Variants in SCN3B observed in about 807,000 individuals in gnomAD.
SCN3B encodes the protein sodium channel regulatory subunit beta-3.
Under a neutral mutation model 25.4 loss-of-function variants are expected in SCN3B, and 11 were observed. That is an observed-to-expected ratio of 0.43 (90% confidence interval 0.27 to 0.72). The LOEUF is 0.72. Among genes scored for constraint, SCN3B ranks in the 30% least tolerant of loss-of-function variants. The pLI, the probability that SCN3B is intolerant of heterozygous loss-of-function variation, is 0.18. For missense variants in SCN3B, 218 were observed against 278.3 expected, an observed-to-expected ratio of 0.78 and a Z score of 1.54; for synonymous variants, 109 against 110.7, an observed-to-expected ratio of 0.99 and a Z score of 0.09.
intron 3 of SCN3B, among the ~76,000 whole-genome samples, chr11:123,643,203 G>A (rs1353054229): frequency 6.6e-6 from 1 of 152,212 alleles, no homozygotes; most frequent in African/African-American, 2.4e-5. Flanking sequence ...ACTCATCAGG[G>A]GCTGTAGGAC....
At chr11:123,646,670 T>C (rs1437966526) in intron 2 of SCN3B, among the ~76,000 whole-genome samples, 1 of 152,212 alleles carries the variant, frequency 6.6e-6, no homozygotes, top group Non-Finnish European at 1.5e-5. Flanking sequence ...CTCTAGAAAC[T>C]TGAAGTCTGT....
intron 2 of SCN3B, among the ~76,000 whole-genome samples, chr11:123,652,776 C>T (rs1363355273): frequency 6.6e-6 from 1 of 152,122 alleles, no homozygotes; most frequent in African/African-American, 2.4e-5. Flanking sequence ...CCCACCCCTG[C>T]CATACACATA....
At chr11:123,650,495 GGA>G (rs1355867466) in intron 2 of SCN3B, among the ~76,000 whole-genome samples, 1 of 152,160 alleles carries the variant, frequency 6.6e-6, no homozygotes, top group African/African-American at 2.4e-5. Flanking sequence ...GCCTTGAATA[GGA>G]TGCACGAAAG....
At chr11:123,650,085 G>A (rs529225438) in intron 2 of SCN3B, among the ~76,000 whole-genome samples, 2 of 152,220 alleles carry the variant, frequency 1.3e-5, no homozygotes, top group Admixed American at 1.3e-4. Context: ...CTACATTGCT[G>A]ACTAAAAGTA....
At chr11:123,635,026 T>C (rs1288231269) in intron 5 of SCN3B, among the ~76,000 whole-genome samples, 1 of 152,244 alleles carries the variant, frequency 6.6e-6, no homozygotes, top group African/African-American at 2.4e-5. Context: ...GTGCCTTTTG[T>C]ATTTTATTTG....
chr11:123,636,350 T>C (rs1326435181), intron 5 of SCN3B, among the ~76,000 whole-genome samples: 1 of 152,236 alleles, frequency 6.6e-6, no homozygotes, highest in Non-Finnish European at 1.5e-5. Flanking sequence ...ATAGTAGGTA[T>C]AGATAATGAT....
chr11:123,645,629 C>A lies in SCN3B; in HGVS notation c.177G>T (p.Val59=). 2 of 1,614,182 alleles carry A rather than the reference C, an allele frequency of 1.2e-6. No individual in the cohort carries two copies. The highest frequency in any genetic ancestry group is 1.7e-5 in the Admixed American group (1 of 60,022). The change falls in exon 3 of 7, where the codon GTG becomes GTT. Residue 59 remains valine, a synonymous_variant. Transcript: ENST00000299333. ...CCTCGGGCCTGTAGAACCATTCCAC[C>A]ACCGTGGTGGCCTCCACCTCCTCTC... ...MKREEVEATT[V]VEWFYRPEGG...
In SCN3B at chr11:123,645,592, A is replaced by G. The variant is rs779570317; in HGVS notation, c.214T>C (p.Phe72Leu). ...GAGTCAGCAGTCTAACATACAAGGA[A>G]ATCTTTACCGCCCTCGGGCCTGTAG... ...WFYRPEGGKD[F>L]LIYEYRNGHQ... is the part of the protein sequence containing the mutation. The change falls in exon 3 of 7, where the codon TTC (phenylalanine) becomes CTC (leucine). Residue 72 changes from phenylalanine to leucine, a missense_variant. Phe to Leu is a conservative substitution (Grantham distance 22). Transcript: ENST00000299333. The G allele has an allele frequency of 6.2e-7, 1 of 1,613,964 alleles. No homozygotes were observed. Among genetic ancestry groups the G allele is most frequent in the Admixed American group, 1.7e-5 (1 of 60,000 alleles).
In SCN3B at chr11:123,650,523, G is replaced by A. The variant is rs573631146; in HGVS notation, c.55+3224C>T. Among the ~76,000 whole-genome samples the A allele has an allele frequency of 2.3e-3, 347 of 152,304 alleles. 4 individuals carry two copies. Among genetic ancestry groups the A allele is most frequent in the South Asian group, 0.016 (76 of 4,820 alleles). On this transcript the variant is annotated intron_variant, in intron 2 of 6. Coordinates refer to ENST00000299333, the MANE Select transcript of SCN3B (RefSeq NM_001040151.2). ...TGCACGAAAGATCACCAGGGGAAGA[G>A]AGGAAAACACACAGGGCAACTAGAA...
intron 6 of SCN3B, 28 bp downstream of exon 6, chr11:123,634,093 C>A: frequency 6.4e-7 from 1 of 1,561,144 alleles, no homozygotes; most frequent in South Asian, 1.1e-5. Flanking sequence ...CCACATCTGC[C>A]TTCCCCTCCC....
intron 2 of SCN3B, among the ~76,000 whole-genome samples, chr11:123,648,346 C>T (rs1416082402): frequency 6.6e-6 from 1 of 152,172 alleles, no homozygotes; most frequent in African/African-American, 2.4e-5. Flanking sequence ...TTACATCTGT[C>T]TAGTAGGTTT....
At chr11:123,647,822 CTT>C (rs1955871355) in intron 2 of SCN3B, among the ~76,000 whole-genome samples, 1 of 152,188 alleles carries the variant, frequency 6.6e-6, no homozygotes, top group African/African-American at 2.4e-5. Flanking sequence ...CTAGAATTAA[CTT>C]AAAGTTGTAA....
intron 1 of SCN3B, 73 bp from the exon 2 acceptor site, chr11:123,653,899 C>A: frequency 7.1e-7 from 1 of 1,418,356 alleles, no homozygotes; most frequent in Non-Finnish European, 1.0e-6. Context: ...TTGGGACGAA[C>A]TGCCCCCAGG....
At chr11:123,637,219 G>A (rs920275929) in intron 5 of SCN3B, among the ~76,000 whole-genome samples, 1 of 152,170 alleles carries the variant, frequency 6.6e-6, no homozygotes, top group African/African-American at 2.4e-5. Context: ...CTAAGGTACA[G>A]GCTGGACTTT....
At chr11:123,635,982 C>T (rs1344883008) in intron 5 of SCN3B, among the ~76,000 whole-genome samples, 1 of 152,176 alleles carries the variant, frequency 6.6e-6, no homozygotes, top group Admixed American at 6.5e-5. Flanking sequence ...TTTGAGAAAT[C>T]TAATGGGCAT....
intron 2 of SCN3B, among the ~76,000 whole-genome samples, chr11:123,652,322 T>G (rs1955935885): frequency 6.6e-6 from 1 of 152,218 alleles, no homozygotes; most frequent in Admixed American, 6.5e-5. Flanking sequence ...TCTGGTCTAC[T>G]CTACTGGGGA....
chr11:123,644,501 G>C (rs1033452166), intron 3 of SCN3B, among the ~76,000 whole-genome samples: 1 of 152,168 alleles, frequency 6.6e-6, no homozygotes, highest in African/African-American at 2.4e-5. Context: ...ACCAGGCACG[G>C]TGGCTCACAC....
At position 123,642,969 on chromosome 11, in the gene SCN3B, G is replaced by T. The variant is rs1014301386; in HGVS notation, c.220-298C>A. ...GAAGAAGCTTGGCAGAAAAAAAGGG[G>T]TGGAAAGAGGGAGAACAAAGGCAGG... On this transcript the variant is annotated intron_variant, in intron 3 of 6. Coordinates refer to ENST00000299333, the MANE Select transcript of SCN3B (RefSeq NM_001040151.2). This position sits in a 1 kb window ranked among gnomAD's most constrained non-coding sequence, Gnocchi z 4.3. Among the ~76,000 whole-genome samples, 1 of 152,142 alleles carries T rather than the reference G, an allele frequency of 6.6e-6. No homozygotes were observed. The highest frequency in any genetic ancestry group is 2.1e-4 in the South Asian group (1 of 4,830).
rs760254403 is a variant in SCN3B, at chr11:123,642,692, G to A, written c.220-21C>T. On this transcript the variant is annotated intron_variant, in intron 3 of 6. Transcript: ENST00000299333. This position sits in a 1 kb window ranked among gnomAD's most constrained non-coding sequence, Gnocchi z 4.3. ...TAAATCTGCAGATAGAGGAGCAGAA[G>A]AGGGTAGGGCCAGGAAAGGAGATGG... 3.1e-6 allele frequency: 5 copies of A among 1,596,368 alleles called. No individual in the cohort carries two copies. Among genetic ancestry groups the A allele is most frequent in the Non-Finnish European group, 4.3e-6 (5 of 1,164,956 alleles).
Sources: allele counts gnomAD v4.1 joint callset (sites outside exome capture counted in the v4.1 genomes callset), GRCh38; gene constraint gnomAD v4.1.1; non-coding constraint Gnocchi (gnomAD v3.1); transcripts MANE v1.5; gene names NCBI Gene and HGNC (gene_info 2026-07-23, HGNC 2026-07-21).